IMMP2L: variants seen among roughly 807,000 people sequenced by gnomAD.
IMMP2L encodes the protein inner mitochondrial membrane peptidase subunit 2, also known as mitochondrial inner membrane protease subunit 2.
IMMP2L carries 18 observed loss-of-function variants against 19.3 expected under a neutral mutation model. That is an observed-to-expected ratio of 0.93 (90% CI 0.64 to 1.38). IMMP2L has a LOEUF of 1.38. Ranked by LOEUF, IMMP2L falls within the 40% of genes most tolerant of loss-of-function variation. The probability of loss-of-function intolerance (pLI) is 0.00; values close to 1 mark genes in which losing one functional copy is unlikely to be tolerated. For missense variants in IMMP2L, 233 were observed against 218.2 expected (o/e 1.07, Z -0.43); for synonymous variants, 76 against 73.0 (o/e 1.04, Z -0.21).
chr7:111,349,826 C>G (rs902066494), intron 3 of IMMP2L, among the ~76,000 whole-genome samples: 2 of 152,126 alleles, frequency 1.3e-5, no homozygotes, highest in African/African-American at 4.8e-5. Context: ...CTCCTATTGT[C>G]TCTCAGGAGC....
chr7:111,249,654 C>CA (rs767915308), intron 3 of IMMP2L, among the ~76,000 whole-genome samples: 22 of 151,976 alleles, frequency 1.4e-4, no homozygotes, highest in Non-Finnish European at 3.1e-4. Context: ...GAACTAAAGG[C>CA]AAAAAACACA....
At chr7:110,785,776 A>T (rs1800034611) in intron 5 of IMMP2L, among the ~76,000 whole-genome samples, 1 of 152,110 alleles carries the variant, frequency 6.6e-6, no homozygotes, top group East Asian at 1.9e-4. Context: ...AATTATTACA[A>T]GTAAAAACCT....
chr7:111,421,769 G>C (rs1835581240), intron 3 of IMMP2L, among the ~76,000 whole-genome samples: 1 of 151,692 alleles, frequency 6.6e-6, no homozygotes, highest in Non-Finnish European at 1.5e-5. Flanking sequence ...CATTGCTTAT[G>C]GTGTTTTAGT....
intron 4 of IMMP2L, among the ~76,000 whole-genome samples, chr7:110,937,946 T>C (rs1816304421): frequency 6.6e-6 from 1 of 152,126 alleles, no homozygotes; most frequent in African/African-American, 2.4e-5. Flanking sequence ...CTGAAACATT[T>C]GAAAGTCATA....
At chr7:111,228,966 CGTGTGTGTGTGTGTGTGT>C (rs10530563) in intron 3 of IMMP2L, among the ~76,000 whole-genome samples, 6 of 143,950 alleles carry the variant, frequency 4.2e-5, no homozygotes, top group African/African-American at 1.5e-4. Flanking sequence ...ACTAGCAATG[CGTGTGTGTGTGTGTGTGT>C]GTGTGTGTGT....
At chr7:111,311,303 A>G (rs1038811177) in intron 3 of IMMP2L, among the ~76,000 whole-genome samples, 1 of 152,110 alleles carries the variant, frequency 6.6e-6, no homozygotes, top group Non-Finnish European at 1.5e-5. Context: ...GAGAAGGGAA[A>G]GAAAGAAGGA....
intron 3 of IMMP2L, among the ~76,000 whole-genome samples, chr7:110,997,976 C>T (rs925145240): frequency 2.0e-5 from 3 of 152,122 alleles, no homozygotes; most frequent in Admixed American, 2.0e-4. Context: ...CTTCATTGTA[C>T]TCAAACCTTT....
intron 2 of IMMP2L, among the ~76,000 whole-genome samples, chr7:111,489,576 G>A (rs1383768100): frequency 2.0e-5 from 3 of 152,288 alleles, no homozygotes; most frequent in South Asian, 4.1e-4. Context: ...CAGTAATGAC[G>A]TGCCTTTTGT....
intron 3 of IMMP2L, among the ~76,000 whole-genome samples, chr7:111,368,306 A>G (rs1249716721): frequency 1.3e-5 from 2 of 151,912 alleles, no homozygotes; most frequent in Admixed American, 6.6e-5. Flanking sequence ...ATCCAAATAC[A>G]TGTTCTCCAT....
chr7:111,200,179 T>C (rs1809947411), intron 3 of IMMP2L, among the ~76,000 whole-genome samples: 1 of 152,122 alleles, frequency 6.6e-6, no homozygotes, highest in South Asian at 2.1e-4. Context: ...CTTACTTTTC[T>C]GTATCCTTTC....
chr7:111,143,138 C>T (rs896498763), intron 3 of IMMP2L, among the ~76,000 whole-genome samples: 3 of 152,146 alleles, frequency 2.0e-5, no homozygotes, highest in East Asian at 3.9e-4. Context: ...AAACTAAAGA[C>T]ATCCATCTTT....
chr7:110,851,426 C>G (rs1209934608), intron 5 of IMMP2L, among the ~76,000 whole-genome samples: 2 of 152,130 alleles, frequency 1.3e-5, no homozygotes, highest in Non-Finnish European at 2.9e-5. Context: ...CAATGGGAGA[C>G]AGGAGACAGC....
At chr7:110,818,792 G>C (rs2131319504) in intron 5 of IMMP2L, among the ~76,000 whole-genome samples, 1 of 152,036 alleles carries the variant, frequency 6.6e-6, no homozygotes, top group Non-Finnish European at 1.5e-5. Flanking sequence ...AAAAAATGAT[G>C]AGTTCATGTC....
rs1027806322 is a variant in IMMP2L at position 110,990,568 on chromosome 7, T to C, written c.240-27003A>G. Among the ~76,000 whole-genome samples the C allele has an allele frequency of 4.6e-5, 7 of 152,212 alleles. 1 individual carries two copies. The South Asian group carries it at 1.2e-3, about 27-fold the overall frequency. On this transcript the variant is annotated intron_variant, in intron 3 of 5. Coordinates refer to ENST00000405709, the MANE Select transcript of IMMP2L (RefSeq NM_032549.4). ...GGAAGCTGAAATTGTAGAAATATCATAGGCACTGGGGTCAGACTGACTGGT... is the reference window on the plus strand; with the variant it reads ...GGAAGCTGAAATTGTAGAAATATCACAGGCACTGGGGTCAGACTGACTGGT...
chr7:111,512,347 T>C (rs1845525191), intron 2 of IMMP2L, among the ~76,000 whole-genome samples: 1 of 152,102 alleles, frequency 6.6e-6, no homozygotes, highest in African/African-American at 2.4e-5. Context: ...AGATCAGCAG[T>C]TGCCTAAGGA....
At chr7:111,389,899 A>G (rs1323310592) in intron 3 of IMMP2L, among the ~76,000 whole-genome samples, 1 of 152,150 alleles carries the variant, frequency 6.6e-6, no homozygotes, top group African/African-American at 2.4e-5. Context: ...TAAAATAAGG[A>G]TGTTAAAAGG....
At chr7:111,167,727 A>T (rs904496912) in intron 3 of IMMP2L, among the ~76,000 whole-genome samples, 1 of 151,938 alleles carries the variant, frequency 6.6e-6, no homozygotes, top group African/African-American at 2.4e-5. Context: ...CATGTGCCTC[A>T]AAAATAGCTG....
chr7:111,316,069 T>C (rs1409746718), intron 3 of IMMP2L, among the ~76,000 whole-genome samples: 3 of 152,106 alleles, frequency 2.0e-5, no homozygotes, highest in South Asian at 4.1e-4. Context: ...CTGAATTCCA[T>C]AGGCAATTGT....
intron 5 of IMMP2L, among the ~76,000 whole-genome samples, chr7:110,841,299 C>T (rs983562966): frequency 6.6e-6 from 1 of 151,594 alleles, no homozygotes; most frequent in Non-Finnish European, 1.5e-5. Flanking sequence ...AAAATAGAAC[C>T]TTTACTTCAA....
Sources: allele counts gnomAD v4.1 joint callset (sites outside exome capture counted in the v4.1 genomes callset), GRCh38; gene constraint gnomAD v4.1.1; transcripts MANE v1.5; gene names NCBI Gene and HGNC (gene_info 2026-07-23, HGNC 2026-07-21).